Variants in USP42 observed in about 807,000 individuals in gnomAD.
USP42 encodes the protein ubiquitin specific peptidase 42.
USP42 carries 23 observed loss-of-function variants against 113.0 expected under a neutral mutation model. The ratio of observed to expected loss-of-function variants is 0.20; its 90% CI spans 0.15 to 0.29. The LOEUF (loss-of-function observed/expected upper bound fraction) is 0.29, where lower values mean the gene tolerates loss of function less well. USP42 is among the 10% of genes least tolerant of loss of function. USP42 has a pLI of 1.00. For missense variants in USP42, 2,174 were observed against 1,779.8 expected, an observed-to-expected ratio of 1.22 and a Z score of -3.99; for synonymous variants, 933 against 699.0, an observed-to-expected ratio of 1.33 and a Z score of -5.28.
chr7:6,148,009 C>A, intron 12 of USP42, 117 bp downstream of exon 12: 1 of 1,128,080 alleles, frequency 8.9e-7, no homozygotes, highest in Non-Finnish European at 1.3e-6. Context: ...TTTCTTCTCA[C>A]AGTTTAATCA....
intron 1 of USP42, among the ~76,000 whole-genome samples, chr7:6,109,986 C>G (rs1779508189): frequency 6.6e-6 from 1 of 151,884 alleles, no homozygotes; most frequent in South Asian, 2.1e-4. Context: ...CAGGTGTGCA[C>G]CACCATGCCT....
At chr7:6,128,297 C>G (rs908909837) in intron 3 of USP42, 1 of 147,496 alleles carries the variant, frequency 6.8e-6, no homozygotes. Flanking sequence ...AGGTCTCACT[C>G]TGTCACCTGG....
At chr7:6,123,149 A>AT (rs1406810854) in intron 3 of USP42, among the ~76,000 whole-genome samples, 2 of 152,160 alleles carry the variant, frequency 1.3e-5, no homozygotes, top group African/African-American at 4.8e-5. Context: ...TGATGAACTC[A>AT]TTTCGTTACC....
rs2128526399 is a variant in USP42 at position 6,157,341 on chromosome 7, T to G, written c.3943+286T>G. 1 of 1,087,798 alleles carries G rather than the reference T, an allele frequency of 9.2e-7. No individual in the cohort carries two copies. The highest frequency in any genetic ancestry group is 5.8e-5 in the East Asian group (1 of 17,110). 67.4% of individuals were successfully genotyped at this position (1,087,798 alleles called of 1,614,324 possible). ...GAACGTACAGCTCTAGGCATCTGACTTTGCCTTGCAAAGGACCAGAACTCT... is the reference window on the plus strand; with the variant it reads ...GAACGTACAGCTCTAGGCATCTGACGTTGCCTTGCAAAGGACCAGAACTCT... On this transcript the variant is annotated intron_variant, in intron 16 of 17. Coordinates refer to ENST00000306177, the MANE Select transcript of USP42 (RefSeq NM_032172.3). The surrounding 1 kb of genome is among the most constrained non-coding windows in gnomAD (Gnocchi z 4.1).
the USP42 span, among the ~76,000 whole-genome samples, chr7:6,087,034 C>T: frequency 7.5e-6 from 1 of 133,492 alleles, no homozygotes; most frequent in African/African-American, 2.8e-5. Context: ...AGCCACCACA[C>T]TTTTTTTTTT....
intron 14 of USP42, 131 bp downstream of exon 14, chr7:6,150,637 A>G (rs1562849783): frequency 2.3e-6 from 2 of 856,392 alleles, no homozygotes; most frequent in East Asian, 2.6e-5. Flanking sequence ...GATTTGAATT[A>G]TAATGTATAG....
chr7:6,129,765 G>A (rs1374462353), intron 3 of USP42, among the ~76,000 whole-genome samples: 21 of 150,752 alleles, frequency 1.4e-4, no homozygotes, highest in African/African-American at 4.4e-4. Context: ...GGAGGCTGAG[G>A]CAAGAGAATC....
rs1782508247 is a variant in USP42, at chr7:6,157,276, C to T, written c.3943+221C>T. ...GCGTTTATTGAAGGCCTAAGTGACA[C>T]AGGACTGAGGGCAGCACTACCTGTG... On this transcript the variant is annotated intron_variant, in intron 16 of 17. Coordinates refer to ENST00000306177, the MANE Select transcript of USP42 (RefSeq NM_032172.3). The surrounding 1 kb of genome is among the most constrained non-coding windows in gnomAD (Gnocchi z 4.1). The T allele has an allele frequency of 7.7e-7, 1 of 1,298,204 alleles. No homozygotes were observed. Among genetic ancestry groups the T allele is most frequent in the African/African-American group, 1.5e-5 (1 of 65,540 alleles). The allele number at this position is 1,298,204 out of a possible 1,614,324, so 80.4% of individuals were successfully genotyped here.
chr7:6,145,409 G>T, intron 9 of USP42, 107 bp from the exon 10 acceptor site: 1 of 1,308,548 alleles, frequency 7.6e-7, no homozygotes. Context: ...CAGGGCTCAG[G>T]TGTTCTGTGG....
At chr7:6,120,551 C>T (rs1583599419) in intron 3 of USP42, among the ~76,000 whole-genome samples, 1 of 151,154 alleles carries the variant, frequency 6.6e-6, no homozygotes, top group Admixed American at 6.6e-5. Flanking sequence ...CCTCTTGCCT[C>T]AGCCTTTCAA....
chr7:6,115,999 G>A (rs1309511933), intron 3 of USP42, among the ~76,000 whole-genome samples: 1 of 151,876 alleles, frequency 6.6e-6, no homozygotes, highest in Non-Finnish European at 1.5e-5. Flanking sequence ...GCATACTCAG[G>A]AGGGTGAGAC....
chr7:6,141,518 A>G (rs1781431353), intron 7 of USP42, among the ~76,000 whole-genome samples: 1 of 151,698 alleles, frequency 6.6e-6, no homozygotes, highest in South Asian at 2.1e-4. Flanking sequence ...TAATATCTTA[A>G]TAAAACTAGA....
chr7:6,156,417 G>A (rs952072277), intron 15 of USP42, among the ~76,000 whole-genome samples: 1 of 152,156 alleles, frequency 6.6e-6, no homozygotes, highest in African/African-American at 2.4e-5. Context: ...GTGAATTTAT[G>A]GCCCTGGACT....
chr7:6,084,193 A>C, the USP42 span, among the ~76,000 whole-genome samples: 1 of 150,570 alleles, frequency 6.6e-6, no homozygotes, highest in Non-Finnish European at 1.5e-5. Flanking sequence ...CGCCCAGCTA[A>C]TTTTTGTATT....
At chr7:6,098,407 T>C in the USP42 span, among the ~76,000 whole-genome samples, 1 of 150,240 alleles carries the variant, frequency 6.7e-6, no homozygotes, top group Non-Finnish European at 1.5e-5. Context: ...TTTCAGTTTC[T>C]GCTGGTGTGT....
upstream of USP42, among the ~76,000 whole-genome samples, chr7:6,102,653 G>A (rs1229056513): frequency 6.6e-6 from 1 of 150,804 alleles, no homozygotes; most frequent in Non-Finnish European, 1.5e-5. Context: ...ACTGTGGGCT[G>A]CGCAGAAGAG....
At chr7:6,147,640 G>C in intron 11 of USP42, 99 bp from the exon 12 acceptor site, 2 of 1,388,134 alleles carry the variant, frequency 1.4e-6, no homozygotes, top group Admixed American at 2.7e-5. Flanking sequence ...TTTTTCATCA[G>C]GTTTCCGCCT....
Position 6,152,042 on chromosome 7 carries a change from A to AG in USP42, c.2201+1536_2201+1537insG, listed in dbSNP as rs1554347756. On this transcript the variant is annotated intron_variant, in intron 14 of 17. Coordinates refer to ENST00000306177, the MANE Select transcript of USP42 (RefSeq NM_032172.3). ...ACCTGCCCCACAATTTAAAAAAAAAATCATGTCATGTTAGTGAAGAATGTG... is the reference window on the plus strand; with the variant it reads ...ACCTGCCCCACAATTTAAAAAAAAAAGTCATGTCATGTTAGTGAAGAATGTG... 2.0e-5 allele frequency among the ~76,000 whole-genome samples: 3 copies of AG among 152,350 alleles called. No homozygotes were observed. The South Asian group carries it at 6.2e-4, about 32-fold the overall frequency.
intron 4 of USP42, among the ~76,000 whole-genome samples, chr7:6,136,691 A>T (rs1781170280): frequency 6.6e-6 from 1 of 152,234 alleles, no homozygotes; most frequent in Non-Finnish European, 1.5e-5. Context: ...AGAAATTGTC[A>T]AAATAAAGTT....
Sources: allele counts gnomAD v4.1 joint callset (sites outside exome capture counted in the v4.1 genomes callset), GRCh38; gene constraint gnomAD v4.1.1; non-coding constraint Gnocchi (gnomAD v3.1); transcripts MANE v1.5; gene names NCBI Gene and HGNC (gene_info 2026-07-23, HGNC 2026-07-21).